GPC1: variants seen among roughly 807,000 people sequenced by gnomAD.
GPC1 encodes glypican 1, also known as glypican-1.
A neutral mutation model predicts 51.5 loss-of-function variants in GPC1; 26 were observed. The ratio of observed to expected loss-of-function variants is 0.50; its 90% CI spans 0.37 to 0.70. GPC1 has a LOEUF of 0.70. Among genes scored for constraint, GPC1 ranks in the 30% least tolerant of loss-of-function variants. The pLI, the probability that GPC1 is intolerant of heterozygous loss-of-function variation, is 0.00. For synonymous variants in GPC1, 380 were observed against 348.3 expected (o/e 1.09, Z -1.01); for missense variants, 775 against 800.5 (o/e 0.97, Z 0.38).
At chr2:240,444,413 A>G (rs531776666) in intron 1 of GPC1, among the ~76,000 whole-genome samples, 3 of 152,188 alleles carry the variant, frequency 2.0e-5, no homozygotes, top group South Asian at 2.1e-4. Context: ...GGCACTGTCC[A>G]TCCTGAGCCC....
In GPC1 at chr2:240,461,686, A is replaced by G. The variant is rs370611609; in HGVS notation, c.326-505A>G. Among the ~76,000 whole-genome samples the G allele has an allele frequency of 3.3e-4, 51 of 152,290 alleles. No homozygotes were observed. In the East Asian group the frequency reaches 9.9e-3, roughly 29 times the overall value. The stretch of plus-strand genomic sequence containing the variant: ...GAGAAGACAAGAAGCCTAGGAGAGC[A>G]GCCGAGACAGGGTGGCGGGAGGGGC... On this transcript the variant is annotated intron_variant, in intron 2 of 8. Coordinates refer to ENST00000264039, the MANE Select transcript of GPC1 (RefSeq NM_002081.3).
At chr2:240,437,065 C>T (rs1013195501) in intron 1 of GPC1, among the ~76,000 whole-genome samples, 1 of 152,228 alleles carries the variant, frequency 6.6e-6, no homozygotes, top group Admixed American at 6.5e-5. Flanking sequence ...GCCAGGGACC[C>T]AGTGGGCAAG....
At chr2:240,462,956 C>T (rs975273441) in intron 3 of GPC1, among the ~76,000 whole-genome samples, 2 of 152,156 alleles carry the variant, frequency 1.3e-5, no homozygotes, top group Admixed American at 6.5e-5. Flanking sequence ...CCCAGAGCCT[C>T]GCAGGCCAGG....
chr2:240,455,241 C>A (rs1054746437), intron 1 of GPC1, among the ~76,000 whole-genome samples: 1 of 152,024 alleles, frequency 6.6e-6, no homozygotes, highest in African/African-American at 2.4e-5. Context: ...TAATCCCCTT[C>A]CCCCCCAAAA....
rs35638217 is a variant in GPC1 at position 240,448,212 on chromosome 2, C to T, written c.167-10818C>T. The stretch of plus-strand genomic sequence containing the variant: ...CTGGCCCCGGGTCTGGACAGCTGCC[C>T]TCATAGGGGCCTCTCCCTTCCCCTA... On this transcript the variant is annotated intron_variant, in intron 1 of 8. Coordinates refer to ENST00000264039, the MANE Select transcript of GPC1 (RefSeq NM_002081.3). The surrounding 1 kb of genome is among the most constrained non-coding windows in gnomAD (Gnocchi z 4.5). Among the ~76,000 whole-genome samples, 13,127 of 152,204 alleles carry T rather than the reference C, an allele frequency of 0.086. 738 individuals are homozygous for T. Among genetic ancestry groups the T allele is most frequent in the Non-Finnish European group, 0.12 (8,275 of 67,978 alleles).
chr2:240,464,739 C>T lies in GPC1; in HGVS notation c.1007C>T (p.Thr336Met), dbSNP rs570771236. Residue 336 changes from threonine (T) to methionine (M), a missense_variant, in exon 5 of 9, where the codon ACG becomes ATG. By Grantham distance (81) the Thr-to-Met change is moderately conservative. Coordinates refer to ENST00000264039, the MANE Select transcript of GPC1 (RefSeq NM_002081.3). Reference sequence around the variant, plus strand: ...CTCCAGGACAACAGGGACACGCTCACGGCCAAGGTGCGGGCAGGAGGACGT... The same window carrying T: ...CTCCAGGACAACAGGGACACGCTCATGGCCAAGGTGCGGGCAGGAGGACGT... ...NALQDNRDTL[T>M]AKVIQGCGNP... The T allele has an allele frequency of 2.9e-5, 47 of 1,608,238 alleles. No individual in the cohort carries two copies. The South Asian group carries it at 4.1e-4, about 14-fold the overall frequency.
intron 2 of GPC1, among the ~76,000 whole-genome samples, chr2:240,461,911 G>A (rs1172156031): frequency 6.6e-6 from 1 of 152,060 alleles, no homozygotes; most frequent in African/African-American, 2.4e-5. Context: ...GTTCTGCCCA[G>A]GGCTCAGCTC....
rs1429741683 is a variant in GPC1 at position 240,448,723 on chromosome 2, CTG to C, written c.167-10302_167-10301del. Reference sequence around the variant, plus strand: ...AGCCCTGGGCGTTCTCGGTGGTGGGCTGTGTGACCAGCAGCGTGACCGGCAGT... The same window carrying C: ...AGCCCTGGGCGTTCTCGGTGGTGGGCTGTGACCAGCAGCGTGACCGGCAGT... On this transcript the variant is annotated intron_variant, in intron 1 of 8. Transcript: ENST00000264039. The surrounding 1 kb of genome is among the most constrained non-coding windows in gnomAD (Gnocchi z 4.5). 4.6e-5 allele frequency among the ~76,000 whole-genome samples: 7 copies of C among 151,570 alleles called. No homozygotes were observed. The highest frequency in any genetic ancestry group is 4.6e-4 in the Admixed American group (7 of 15,262).
At chr2:240,461,882 ACT>A (rs1008973907) in intron 2 of GPC1, among the ~76,000 whole-genome samples, 25 of 152,166 alleles carry the variant, frequency 1.6e-4, no homozygotes, top group Admixed American at 1.3e-3. Context: ...TCAGGGGGTC[ACT>A]GAGTCACAGA....
rs537982834 is a variant in GPC1, at chr2:240,458,412, C to T, written c.167-618C>T. 6 of 226,306 alleles carry T rather than the reference C, an allele frequency of 2.7e-5. No individual in the cohort carries two copies. In the East Asian group the frequency reaches 5.7e-4, roughly 21 times the overall value. 14.0% of individuals were successfully genotyped at this position (226,306 alleles called of 1,614,324 possible). A position where few individuals can be genotyped will look rare whatever the true frequency, so the allele number is the denominator to read the frequency against. The stretch of plus-strand genomic sequence containing the variant: ...GACTCCACAAGGACACCAGGAGGCA[C>T]AGGGTGCACCCTGCAGGGCTTGGGG... On this transcript the variant is annotated intron_variant, in intron 1 of 8. Transcript: ENST00000264039.
At chr2:240,450,479 T>TC in intron 1 of GPC1, 1 of 418,170 alleles carries the variant, frequency 2.4e-6, no homozygotes, top group South Asian at 1.8e-5. Flanking sequence ...TCTCTATGTG[T>TC]CAGCTATGTC....
intron 1 of GPC1, among the ~76,000 whole-genome samples, chr2:240,443,576 C>G (rs1005426047): frequency 2.0e-5 from 3 of 152,174 alleles, no homozygotes; most frequent in Admixed American, 6.5e-5. Flanking sequence ...AGAGCCACTG[C>G]AAATCATCCC....
At chr2:240,451,054 A>T (rs1223686128) in intron 1 of GPC1, 1 of 459,376 alleles carries the variant, frequency 2.2e-6, no homozygotes, top group Non-Finnish European at 4.5e-6. Flanking sequence ...CACCATGACC[A>T]CAGAGATGGC....
rs1313376412 is a variant in GPC1 at position 240,466,317 on chromosome 2, C to G, written c.*27C>G. On this transcript the variant is annotated 3_prime_UTR_variant, in exon 9 of 9. Coordinates refer to ENST00000264039, the MANE Select transcript of GPC1 (RefSeq NM_002081.3). ...TGCCCCAAGGCCCCAGGGACAGAGG[C>G]CAAGGACTGACTTTGCCAAAAATAC... 2 of 1,287,146 alleles carry G rather than the reference C, an allele frequency of 1.6e-6. No individual in the cohort carries two copies. Among genetic ancestry groups the G allele is most frequent in the South Asian group, 2.4e-5 (2 of 83,860 alleles). 79.7% of individuals were successfully genotyped at this position (1,287,146 alleles called of 1,614,324 possible). A position where few individuals can be genotyped will look rare whatever the true frequency, so the allele number is the denominator to read the frequency against.
chr2:240,441,190 G>A (rs1017182951), intron 1 of GPC1, among the ~76,000 whole-genome samples: 5 of 152,264 alleles, frequency 3.3e-5, no homozygotes, highest in Admixed American at 6.5e-5. Flanking sequence ...CCTGGTGGCC[G>A]AACCGCAGGG....
At chr2:240,446,974 G>T (rs2074054571) in intron 1 of GPC1, among the ~76,000 whole-genome samples, 1 of 152,130 alleles carries the variant, frequency 6.6e-6, no homozygotes, top group South Asian at 2.1e-4. Flanking sequence ...TCTCATCCAT[G>T]GGGGGATAAG....
intron 1 of GPC1, among the ~76,000 whole-genome samples, chr2:240,443,815 G>A (rs1217925549): frequency 6.6e-6 from 1 of 152,232 alleles, no homozygotes; most frequent in Non-Finnish European, 1.5e-5. Flanking sequence ...CAGCACCAGG[G>A]GCTGTCTACC....
At chr2:240,443,608 C>T (rs574047473) in intron 1 of GPC1, among the ~76,000 whole-genome samples, 2 of 152,296 alleles carry the variant, frequency 1.3e-5, no homozygotes, top group South Asian at 4.1e-4. Context: ...GACTCGGAAG[C>T]AGAAACCCTG....
intron 4 of GPC1, 49 bp downstream of exon 4, chr2:240,463,561 C>T (rs756618792): frequency 6.5e-6 from 10 of 1,536,926 alleles, no homozygotes; most frequent in Admixed American, 5.1e-5. Flanking sequence ...GGGGAGTGCA[C>T]GACTGGGGGT....
Sources: gnomAD v4.1 joint callset for allele counts (sites outside exome capture counted in the v4.1 genomes callset) on GRCh38, gnomAD v4.1.1 for gene constraint, Gnocchi (gnomAD v3.1) non-coding constraint, MANE v1.5 for transcripts, NCBI Gene and HGNC (gene_info 2026-07-23, HGNC 2026-07-21) for gene names.